Variants in MOB1B observed in about 807,000 individuals in gnomAD.
MOB1B encodes MOB kinase activator 1B.
Under a neutral mutation model 24.4 loss-of-function variants are expected in MOB1B, and 19 were observed. That is an observed-to-expected ratio of 0.78 (90% confidence interval 0.54 to 1.14). The LOEUF is 1.14. MOB1B is among the 50% of genes most tolerant of loss of function. The pLI is 0.00. For missense variants in MOB1B, 243 were observed against 259.6 expected, an observed-to-expected ratio of 0.94 and a Z score of 0.44; for synonymous variants, 76 against 82.1, an observed-to-expected ratio of 0.93 and a Z score of 0.40.
chr4:70,939,551 G>A (rs1203341504), intron 1 of MOB1B, among the ~76,000 whole-genome samples: 3 of 152,112 alleles, frequency 2.0e-5, no homozygotes, highest in South Asian at 2.1e-4. Flanking sequence ...GCATGGTGGC[G>A]CACACCTGCA....
chr4:70,957,447 T>C (rs1264960572), intron 1 of MOB1B, among the ~76,000 whole-genome samples: 1 of 151,762 alleles, frequency 6.6e-6, no homozygotes, highest in Non-Finnish European at 1.5e-5. Flanking sequence ...TTTTTTTTTT[T>C]TTAAAGAGGC....
At chr4:70,968,037 G>A (rs552704187) in intron 2 of MOB1B, among the ~76,000 whole-genome samples, 1 of 152,134 alleles carries the variant, frequency 6.6e-6, no homozygotes, top group African/African-American at 2.4e-5. Flanking sequence ...TGTAGTGATG[G>A]GATTTTACTG....
At chr4:70,936,637 C>T (rs773210627) in intron 1 of MOB1B, among the ~76,000 whole-genome samples, 3 of 152,070 alleles carry the variant, frequency 2.0e-5, no homozygotes, top group Non-Finnish European at 4.4e-5. Flanking sequence ...CATGGGATTC[C>T]CCTTACATAG....
intron 2 of MOB1B, among the ~76,000 whole-genome samples, chr4:70,961,922 T>A (rs1738320515): frequency 6.6e-6 from 1 of 152,078 alleles, no homozygotes; most frequent in African/African-American, 2.4e-5. Context: ...TAATAAAAAA[T>A]AATCCTGAAG....
intron 1 of MOB1B, among the ~76,000 whole-genome samples, chr4:70,934,343 C>T (rs1053959303): frequency 2.0e-5 from 3 of 151,242 alleles, no homozygotes; most frequent in South Asian, 2.1e-4. Flanking sequence ...GCCTCAGCCT[C>T]CCAAAGTGCT....
intron 1 of MOB1B, among the ~76,000 whole-genome samples, chr4:70,946,977 T>A (rs1164138914): frequency 6.6e-6 from 1 of 152,248 alleles, no homozygotes; most frequent in Non-Finnish European, 1.5e-5. Flanking sequence ...CTGTGATTGC[T>A]GCCTCAAAAC....
intron 1 of MOB1B, among the ~76,000 whole-genome samples, chr4:70,928,184 C>T (rs1385911260): frequency 6.6e-6 from 1 of 152,130 alleles, no homozygotes; most frequent in Admixed American, 6.6e-5. Flanking sequence ...TGTATGATCT[C>T]TTTGAAGATG....
At chr4:70,951,321 TGTTTTAGA>T (rs1418429758) in intron 1 of MOB1B, among the ~76,000 whole-genome samples, 1 of 152,148 alleles carries the variant, frequency 6.6e-6, no homozygotes, top group Admixed American at 6.6e-5. Flanking sequence ...TGGGAGCCAC[TGTTTTAGA>T]GTCTCAAAGA....
chr4:70,952,881 T>G (rs1467728616), intron 1 of MOB1B, among the ~76,000 whole-genome samples: 1 of 151,280 alleles, frequency 6.6e-6, no homozygotes, highest in South Asian at 2.1e-4. Flanking sequence ...TCTGTGTACA[T>G]GCTTGGGTAT....
chr4:70,904,425 T>C lies in MOB1B; in HGVS notation c.14+1875T>C, dbSNP rs578141099. 5.3e-5 allele frequency among the ~76,000 whole-genome samples: 8 copies of C among 152,248 alleles called. No individual in the cohort carries two copies. In the South Asian group the frequency reaches 1.7e-3, roughly 32 times the overall value. On this transcript the variant is annotated intron_variant, in intron 1 of 5. Coordinates refer to ENST00000309395, the MANE Select transcript of MOB1B (RefSeq NM_173468.4). ...ATTCAAAATAGCACTGTAGATGATATCCATGACTACTGCTGATGGGCTTGT... is the reference window on the plus strand; with the variant it reads ...ATTCAAAATAGCACTGTAGATGATACCCATGACTACTGCTGATGGGCTTGT...
At chr4:70,956,083 G>A (rs1000087094) in intron 1 of MOB1B, among the ~76,000 whole-genome samples, 1 of 151,788 alleles carries the variant, frequency 6.6e-6, no homozygotes, top group Non-Finnish European at 1.5e-5. Flanking sequence ...AGCAAATTTG[G>A]TGTTTATTAC....
rs867701507 is a variant in MOB1B at position 70,973,483 on chromosome 4, A to C, written c.276-1670A>C. On this transcript the variant is annotated intron_variant, in intron 3 of 5. Transcript: ENST00000309395. ...AGACCCTGTCTCAAAAAAAAAAAAA[A>C]AAAAAAAAAACATAATGATGGCTAA... Among the ~76,000 whole-genome samples the C allele has an allele frequency of 3.5e-3, 534 of 151,862 alleles. 2 individuals are homozygous for C. Among genetic ancestry groups the C allele is most frequent in the African/African-American group, 0.012 (505 of 41,430 alleles).
intron 1 of MOB1B, among the ~76,000 whole-genome samples, chr4:70,923,706 C>G (rs1481398322): frequency 6.6e-6 from 1 of 151,834 alleles, no homozygotes; most frequent in African/African-American, 2.4e-5. Context: ...TCCCAGCACT[C>G]TTGGAGGCCA....
At chr4:70,957,648 G>A (rs1306743820) in intron 1 of MOB1B, among the ~76,000 whole-genome samples, 2 of 151,846 alleles carry the variant, frequency 1.3e-5, no homozygotes, top group East Asian at 1.9e-4. Context: ...CTCATGCATT[G>A]CCCAGGCTGG....
At chr4:70,948,875 A>G (rs2148888837) in intron 1 of MOB1B, among the ~76,000 whole-genome samples, 1 of 152,178 alleles carries the variant, frequency 6.6e-6, no homozygotes, top group East Asian at 1.9e-4. Context: ...TGGTGGTTAA[A>G]ATCCCTCCCT....
intron 1 of MOB1B, among the ~76,000 whole-genome samples, chr4:70,948,688 T>C (rs532245739): frequency 6.6e-6 from 1 of 152,320 alleles, no homozygotes; most frequent in South Asian, 2.1e-4. Flanking sequence ...GAATATTTAG[T>C]GATTTGGGAT....
chr4:70,953,078 A>T (rs961602866), intron 1 of MOB1B, among the ~76,000 whole-genome samples: 5 of 150,906 alleles, frequency 3.3e-5, no homozygotes, highest in Non-Finnish European at 5.9e-5. Context: ...AGCTGGGATT[A>T]CAGGCGTCTG....
intron 1 of MOB1B, among the ~76,000 whole-genome samples, chr4:70,915,973 G>A (rs376837466): frequency 6.6e-6 from 1 of 152,262 alleles, no homozygotes; most frequent in East Asian, 1.9e-4. Flanking sequence ...GGCTTCAGAG[G>A]GTGGGTACCT....
chr4:70,935,674 T>C (rs979836223), intron 1 of MOB1B, among the ~76,000 whole-genome samples: 3 of 151,968 alleles, frequency 2.0e-5, no homozygotes, highest in Middle Eastern at 3.4e-3. Flanking sequence ...TTTTTTTCTT[T>C]TGAGACAGGG....
Sources: gnomAD v4.1 joint callset for allele counts (sites outside exome capture counted in the v4.1 genomes callset) on GRCh38, gnomAD v4.1.1 for gene constraint, MANE v1.5 for transcripts, NCBI Gene and HGNC (gene_info 2026-07-23, HGNC 2026-07-21) for gene names.